CTNNA2: variants seen among roughly 807,000 people sequenced by gnomAD.
CTNNA2 encodes the protein catenin alpha-2.
A neutral mutation model predicts 101.0 loss-of-function variants in CTNNA2; 42 were observed. The ratio of observed to expected loss-of-function variants is 0.42; its 90% CI spans 0.32 to 0.54. The LOEUF is 0.54. CTNNA2 is among the 20% of genes least tolerant of loss of function. The pLI, the probability that CTNNA2 is intolerant of heterozygous loss-of-function variation, is 0.14. For synonymous variants in CTNNA2, 450 were observed against 456.4 expected, an observed-to-expected ratio of 0.99 and a Z score of 0.18; for missense variants, 871 against 1,223.1, an observed-to-expected ratio of 0.71 and a Z score of 4.29.
intron 6 of CTNNA2, among the ~76,000 whole-genome samples, chr2:79,908,119 T>C (rs757413733): frequency 6.6e-6 from 1 of 152,200 alleles, no homozygotes; most frequent in Non-Finnish European, 1.5e-5. Context: ...TTATTGTATA[T>C]ACTACATCAG....
chr2:80,566,253 C>G (rs72917000), intron 12 of CTNNA2, among the ~76,000 whole-genome samples: 2,299 of 152,256 alleles, frequency 0.015, 71 homozygotes, highest in African/African-American at 0.052. Flanking sequence ...AGTAAGAAAA[C>G]AGAAGCCAGC....
intron 12 of CTNNA2, among the ~76,000 whole-genome samples, chr2:80,570,215 T>G (rs1221759100): frequency 1.3e-5 from 2 of 151,998 alleles, no homozygotes; most frequent in Non-Finnish European, 2.9e-5. Context: ...TGCCTGGCTA[T>G]GTTTTGTATT....
intron 6 of CTNNA2, among the ~76,000 whole-genome samples, chr2:79,879,765 C>G (rs1683285090): frequency 6.6e-6 from 1 of 152,110 alleles, no homozygotes; most frequent in Non-Finnish European, 1.5e-5. Context: ...TGTCTGCAAA[C>G]AGAGAAAATT....
At chr2:80,618,829 G>T (rs1386878836) in intron 17 of CTNNA2, 2 of 280,204 alleles carry the variant, frequency 7.1e-6, no homozygotes, top group East Asian at 1.2e-4. Flanking sequence ...ACAAGGCAGG[G>T]TGCATCTTCA....
At chr2:79,324,416 G>T (rs1409826886) in intron 3 of CTNNA2, among the ~76,000 whole-genome samples, 2 of 152,184 alleles carry the variant, frequency 1.3e-5, no homozygotes, top group African/African-American at 2.4e-5. Context: ...TGGCCCTGGA[G>T]TGGGAGGTGT....
At chr2:79,363,490 G>A (rs1677675986) in intron 3 of CTNNA2, among the ~76,000 whole-genome samples, 1 of 151,782 alleles carries the variant, frequency 6.6e-6, no homozygotes, top group African/African-American at 2.4e-5. Context: ...CGTATGTAAA[G>A]TGCTTGGTCT....
chr2:80,112,580 T>C (rs1260079901), intron 7 of CTNNA2, among the ~76,000 whole-genome samples: 2 of 152,208 alleles, frequency 1.3e-5, no homozygotes, highest in African/African-American at 2.4e-5. Flanking sequence ...GCCATCATTG[T>C]CACATTCAGA....
chr2:80,008,692 AGCAC>A (rs1403942667), intron 7 of CTNNA2, among the ~76,000 whole-genome samples: 1 of 152,110 alleles, frequency 6.6e-6, no homozygotes, highest in Non-Finnish European at 1.5e-5. Flanking sequence ...TGTGTTTTTG[AGCAC>A]GTCACTTATG....
chr2:80,110,247 G>A (rs1356254894), intron 7 of CTNNA2, among the ~76,000 whole-genome samples: 1 of 152,168 alleles, frequency 6.6e-6, no homozygotes, highest in Non-Finnish European at 1.5e-5. Context: ...AACAATCATT[G>A]AGTGGGTATC....
intron 4 of CTNNA2, among the ~76,000 whole-genome samples, chr2:79,453,417 C>A (rs900804907): frequency 1.3e-5 from 2 of 152,014 alleles, no homozygotes; most frequent in Non-Finnish European, 2.9e-5. Flanking sequence ...ATAAATGTGA[C>A]AATGAAATGT....
chr2:80,000,932 T>C (rs958305420), intron 7 of CTNNA2, among the ~76,000 whole-genome samples: 53 of 152,184 alleles, frequency 3.5e-4, no homozygotes, highest in African/African-American at 1.1e-3. Context: ...AATGGCCTCA[T>C]TGGGATGTGA....
At chr2:80,637,217 T>G (rs1672976129) in intron 18 of CTNNA2, among the ~76,000 whole-genome samples, 1 of 152,194 alleles carries the variant, frequency 6.6e-6, no homozygotes, top group South Asian at 2.1e-4. Flanking sequence ...AAAGCTGAGA[T>G]GTATTAAGGG....
intron 1 of CTNNA2, among the ~76,000 whole-genome samples, chr2:79,650,633 A>G (rs1304001734): frequency 1.4e-5 from 2 of 146,348 alleles, no homozygotes; most frequent in Admixed American, 6.8e-5. Context: ...TTTTTTTTTT[A>G]AATGTATTTA....
In CTNNA2 at chr2:80,390,335, C is replaced by T. The variant is rs150011009; in HGVS notation, c.1057-2876C>T. 2.5e-3 allele frequency among the ~76,000 whole-genome samples: 374 copies of T among 152,284 alleles called. 1 individual carries two copies. The highest frequency in any genetic ancestry group is 8.8e-3 in the African/African-American group (364 of 41,554). The stretch of plus-strand genomic sequence containing the variant: ...TCTGGTCTTGTGTTCTGGTCTATTC[C>T]CCTGTATCAGGAGCTCTTTGATGGT... On this transcript the variant is annotated intron_variant, in intron 7 of 18. Transcript: ENST00000402739.
chr2:79,255,599 G>A (rs750380477), intron 2 of CTNNA2, among the ~76,000 whole-genome samples: 4 of 152,168 alleles, frequency 2.6e-5, no homozygotes, highest in Non-Finnish European at 5.9e-5. Context: ...TCAGGGGATT[G>A]AGGTATAAAA....
intron 7 of CTNNA2, among the ~76,000 whole-genome samples, chr2:79,970,336 T>C (rs671772): frequency 0.59 from 89,883 of 152,072 alleles, 27,279 homozygotes; most frequent in Admixed American, 0.71. Flanking sequence ...GAAACCTCTT[T>C]TCAAAAATGC....
At chr2:79,892,066 T>C (rs1158295078) in intron 6 of CTNNA2, among the ~76,000 whole-genome samples, 3 of 152,122 alleles carry the variant, frequency 2.0e-5, no homozygotes, top group African/African-American at 7.2e-5. Flanking sequence ...GGCTTGTCAT[T>C]TGTATACATG....
rs1558697419 is a variant in CTNNA2, at chr2:79,982,229, T to TGTACACACACACATAAC, written c.1056+72432_1056+72433insGTACACACACACATAAC. Among the ~76,000 whole-genome samples the TGTACACACACACATAAC allele has an allele frequency of 1.8e-4, 11 of 61,196 alleles. 1 individual carries two copies. Among genetic ancestry groups the TGTACACACACACATAAC allele is most frequent in the African/African-American group, 6.3e-4 (11 of 17,392 alleles). 40.1% of individuals were successfully genotyped at this position (61,196 alleles called of 152,430 possible). ...ATATATATATATATATATATATATA[T>TGTACACACACACATAAC]ATATATATATATGTATGTATATGTA... On this transcript the variant is annotated intron_variant, in intron 7 of 18. Coordinates refer to ENST00000402739, the MANE Select transcript of CTNNA2 (RefSeq NM_001282597.3).
At chr2:80,045,810 G>GA (rs775909900) in intron 7 of CTNNA2, among the ~76,000 whole-genome samples, 3 of 151,554 alleles carry the variant, frequency 2.0e-5, no homozygotes, top group Non-Finnish European at 4.4e-5. Flanking sequence ...ACAGGCCATT[G>GA]AAAAAAAATG....
Sources: gnomAD v4.1 joint callset for allele counts (sites outside exome capture counted in the v4.1 genomes callset) on GRCh38, gnomAD v4.1.1 for gene constraint, MANE v1.5 for transcripts, NCBI Gene and HGNC (gene_info 2026-07-23, HGNC 2026-07-21) for gene names.